The following PGAP1 variants were observed in gnomAD, a reference collection of about 807,000 sequenced individuals.
PGAP1 encodes GPI inositol-deacylase.
A neutral mutation model predicts 127.0 loss-of-function variants in PGAP1; 76 were observed. The ratio of observed to expected loss-of-function variants is 0.60; its 90% CI spans 0.50 to 0.72. The LOEUF is 0.72. Ranked by LOEUF, PGAP1 falls within the 30% of genes least tolerant of loss-of-function variation. The pLI is 0.00. For missense variants in PGAP1, 982 were observed against 1,071.3 expected (o/e 0.92, Z 1.16); for synonymous variants, 362 against 366.5 (o/e 0.99, Z 0.14).
rs146503395 is a variant in PGAP1, at chr2:196,875,048, C to T, written c.1426+698G>A. Among the ~76,000 whole-genome samples, 164 of 152,154 alleles carry T rather than the reference C, an allele frequency of 1.1e-3. No individual in the cohort carries two copies. The East Asian group carries it at 0.019, about 18-fold the overall frequency. On this transcript the variant is annotated intron_variant, in intron 14 of 26. Transcript: ENST00000354764. ...CCCCACAAAAATGAAACAGACAACT[C>T]CAAATAAGGAACATTGCACAAAATA... is the stretch of plus-strand genomic sequence containing the variant.
intron 4 of PGAP1, 130 bp downstream of exon 4, chr2:196,912,752 C>T (rs1443412197): frequency 2.8e-6 from 2 of 704,944 alleles, no homozygotes. Context: ...ATTGGAGGTG[C>T]TGATTTGCAA....
At chr2:196,865,291 A>T (rs1701203716) in intron 19 of PGAP1, among the ~76,000 whole-genome samples, 1 of 152,200 alleles carries the variant, frequency 6.6e-6, no homozygotes, top group Non-Finnish European at 1.5e-5. Context: ...AAGGCATAAC[A>T]GAACATATAA....
At position 196,848,000 on chromosome 2, in the gene PGAP1, T is replaced by C. The variant is rs1313624587; in HGVS notation, c.1899A>G (p.Glu633=). 3.1e-6 allele frequency: 5 copies of C among 1,602,848 alleles called. No individual in the cohort carries two copies. The highest frequency in any genetic ancestry group is 4.3e-6 in the Non-Finnish European group (5 of 1,176,084). ...CLEYATMLDK[E]AKPYKVDPFV... ...AAGGATCAACTTTGTATGGTTTGGC[T>C]TCTTTATCCAACATGGTAGCATATT... The change falls in exon 21 of 27, where the codon GAA becomes GAG. Residue 633 remains glutamate (E), a synonymous_variant. Coordinates refer to ENST00000354764, the MANE Select transcript of PGAP1 (RefSeq NM_024989.4).
At chr2:196,871,034 A>C in intron 18 of PGAP1, 55 bp from the exon 19 acceptor site, 3 of 1,275,254 alleles carry the variant, frequency 2.4e-6, no homozygotes, top group Middle Eastern at 1.9e-4. Context: ...ACTCCTTTAC[A>C]TTTTATTAAA....
intron 4 of PGAP1, among the ~76,000 whole-genome samples, chr2:196,905,754 C>T (rs892571565): frequency 6.2e-5 from 9 of 145,498 alleles, no homozygotes; most frequent in Admixed American, 1.4e-4. Flanking sequence ...GCACCGTGCG[C>T]GAGCCGAAGC....
chr2:196,859,983 C>G (rs1166268838), intron 20 of PGAP1, among the ~76,000 whole-genome samples: 1 of 151,928 alleles, frequency 6.6e-6, no homozygotes, highest in Non-Finnish European at 1.5e-5. Flanking sequence ...ACTACTTATT[C>G]AATAGAGTAC....
intron 7 of PGAP1, 40 bp from the exon 8 acceptor site, chr2:196,893,285 T>C: frequency 1.8e-6 from 2 of 1,094,938 alleles, no homozygotes; most frequent in Non-Finnish European, 2.8e-6. Flanking sequence ...ATTTTGTATC[T>C]ATTGTAATAG....
At position 196,926,658 on chromosome 2, in the gene PGAP1, C is replaced by T. The variant is rs555586945; in HGVS notation, c.-42G>A. On this transcript the variant is annotated 5_prime_UTR_variant, in exon 1 of 27. Transcript: ENST00000354764. ...CCGCCGCCGCCGCCGCCCCCTCTAC[C>T]TCCTTCTCCGCCGCGGGGCCCCAAG... The T allele has an allele frequency of 5.0e-6, 8 of 1,612,204 alleles. No homozygotes were observed. The Admixed American group carries it at 5.0e-5, about 10-fold the overall frequency.
intron 13 of PGAP1, among the ~76,000 whole-genome samples, chr2:196,876,801 C>T (rs554095625): frequency 1.4e-4 from 22 of 152,102 alleles, no homozygotes; most frequent in Admixed American, 6.5e-4. Flanking sequence ...AAGTGAAAAA[C>T]AGACAGGGAA....
intron 20 of PGAP1, among the ~76,000 whole-genome samples, chr2:196,850,079 G>A (rs989014666): frequency 6.6e-6 from 1 of 152,258 alleles, no homozygotes. Flanking sequence ...TTTTCCTGCT[G>A]AGCCACAGGG....
chr2:196,923,639 T>C lies in PGAP1; in HGVS notation c.147+2831A>G, dbSNP rs187823546. 4.8e-4 allele frequency among the ~76,000 whole-genome samples: 73 copies of C among 152,126 alleles called. 1 individual carries two copies. The highest frequency in any genetic ancestry group is 1.6e-3 in the African/African-American group (68 of 41,540). On this transcript the variant is annotated intron_variant, in intron 1 of 26. Transcript: ENST00000354764. Reference sequence around the variant, plus strand: ...AAATAACACACTTAATAACAAAATATATGACTCATATTTTCTTTTTTTCTT... The same window carrying C: ...AAATAACACACTTAATAACAAAATACATGACTCATATTTTCTTTTTTTCTT...
In PGAP1 at chr2:196,839,545, T is replaced by C. The variant is rs1253730927; in HGVS notation, c.*1689A>G. 2.0e-5 allele frequency: 3 copies of C among 152,242 alleles called. No individual in the cohort carries two copies. In the East Asian group the frequency reaches 5.8e-4, roughly 29 times the overall value. 9.4% of individuals were successfully genotyped at this position (152,242 alleles called of 1,614,324 possible). A position where few individuals can be genotyped will look rare whatever the true frequency, so the allele number is the denominator to read the frequency against. Reference sequence around the variant, plus strand: ...CCACGAGTTTATCATTTCCCTTTAATGTTCTCAGTAAGTTAAAATATGAAT... The same window carrying C: ...CCACGAGTTTATCATTTCCCTTTAACGTTCTCAGTAAGTTAAAATATGAAT... On this transcript the variant is annotated 3_prime_UTR_variant, in exon 27 of 27. Transcript: ENST00000354764.
intron 5 of PGAP1, among the ~76,000 whole-genome samples, chr2:196,900,669 T>C (rs1702455457): frequency 6.6e-6 from 1 of 152,198 alleles, no homozygotes; most frequent in Non-Finnish European, 1.5e-5. Context: ...CTCACACCTG[T>C]AATCCCAGCA....
chr2:196,897,985 A>G (rs1488877826), intron 6 of PGAP1, among the ~76,000 whole-genome samples: 3 of 152,186 alleles, frequency 2.0e-5, no homozygotes, highest in Admixed American at 1.3e-4. Flanking sequence ...TGGGAGGCCA[A>G]TGTGGGTGGA....
At chr2:196,921,434 T>C (rs570362313) in intron 1 of PGAP1, among the ~76,000 whole-genome samples, 4 of 152,154 alleles carry the variant, frequency 2.6e-5, no homozygotes, top group Non-Finnish European at 4.4e-5. Context: ...CCAATACTGA[T>C]TGTGCACAGA....
intron 22 of PGAP1, among the ~76,000 whole-genome samples, chr2:196,846,721 C>T (rs1000022526): frequency 6.6e-6 from 1 of 152,160 alleles, no homozygotes; most frequent in Non-Finnish European, 1.5e-5. Flanking sequence ...ACAATCCCTC[C>T]TGGGAAAGAT....
chr2:196,902,480 CACTAACTCAGCAGTCATTACCATGCAGCT>C (rs1702530179), intron 5 of PGAP1, 76 bp downstream of exon 5: 4 of 955,482 alleles, frequency 4.2e-6, no homozygotes, highest in Non-Finnish European at 6.2e-6. Context: ...AGTCCAACAC[CACTAACTCAGCAGTCATTACCATGCAGCT>C]ATATATTATT....
intron 4 of PGAP1, among the ~76,000 whole-genome samples, chr2:196,905,637 C>T (rs1274440057): frequency 2.0e-5 from 3 of 151,944 alleles, no homozygotes; most frequent in Admixed American, 2.0e-4. Context: ...TCTACAGCTC[C>T]CAGCGTGAGC....
chr2:196,872,636 G>C, intron 17 of PGAP1, 87 bp from the exon 18 acceptor site: 1 of 885,766 alleles, frequency 1.1e-6, no homozygotes, highest in African/African-American at 1.7e-5. Flanking sequence ...CAATACAACT[G>C]AATAATGTAG....
Sources: allele counts gnomAD v4.1 joint callset (sites outside exome capture counted in the v4.1 genomes callset), GRCh38; gene constraint gnomAD v4.1.1; transcripts MANE v1.5; gene names NCBI Gene and HGNC (gene_info 2026-07-23, HGNC 2026-07-21).